UVRAG: variants seen among roughly 807,000 people sequenced by gnomAD.
UVRAG encodes UV radiation resistance-associated gene protein.
A neutral mutation model predicts 78.0 loss-of-function variants in UVRAG; 19 were observed. The observed-to-expected ratio is 0.24, with a 90% CI of 0.17 to 0.36. UVRAG has a LOEUF of 0.36. Among genes scored for constraint, UVRAG ranks in the 10% least tolerant of loss-of-function variants. The probability of loss-of-function intolerance (pLI) is 1.00; values close to 1 mark genes in which losing one functional copy is unlikely to be tolerated. For synonymous variants in UVRAG, 323 were observed against 324.6 expected, an observed-to-expected ratio of 1.00 and a Z score of 0.05; for missense variants, 740 against 853.8, an observed-to-expected ratio of 0.87 and a Z score of 1.66.
intron 13 of UVRAG, among the ~76,000 whole-genome samples, chr11:76,073,865 T>C (rs780912748): frequency 6.6e-6 from 1 of 152,170 alleles, no homozygotes; most frequent in Non-Finnish European, 1.5e-5. Flanking sequence ...CTTTTTCAGC[T>C]GCGTATCTGT....
At chr11:76,052,859 A>G (rs1950895658) in intron 12 of UVRAG, among the ~76,000 whole-genome samples, 1 of 151,980 alleles carries the variant, frequency 6.6e-6, no homozygotes, top group Non-Finnish European at 1.5e-5. Flanking sequence ...TAAAATGTTT[A>G]TAATTCCCTA....
intron 7 of UVRAG, chr11:75,979,728 G>A (rs1341420806): frequency 1.3e-5 from 2 of 152,416 alleles, no homozygotes; most frequent in Non-Finnish European, 2.9e-5. Context: ...CTTTGGAAAA[G>A]CACAGTATTA....
intron 12 of UVRAG, 140 bp from the exon 13 acceptor site, chr11:76,065,570 A>T: frequency 1.6e-6 from 1 of 633,062 alleles, no homozygotes. Context: ...ATGTCAGTAG[A>T]TTGCAATGAC....
At chr11:75,866,384 A>AAAATAAAT (rs1347092237) in intron 3 of UVRAG, among the ~76,000 whole-genome samples, 3 of 151,150 alleles carry the variant, frequency 2.0e-5, no homozygotes. Flanking sequence ...AATAAATAAA[A>AAAATAAAT]TAAAATAAAA....
At chr11:76,003,973 A>C (rs1186610185) in intron 8 of UVRAG, 32 bp from the exon 9 acceptor site, 1 of 1,583,852 alleles carries the variant, frequency 6.3e-7, no homozygotes, top group Non-Finnish European at 8.7e-7. Flanking sequence ...CCTATGTTAC[A>C]TATGGAATTA....
intron 3 of UVRAG, among the ~76,000 whole-genome samples, chr11:75,868,959 A>G (rs1946590430): frequency 6.6e-6 from 1 of 152,208 alleles, no homozygotes; most frequent in Admixed American, 6.5e-5. Flanking sequence ...AAGAAGAGGT[A>G]TCAATTATAA....
chr11:76,056,580 A>G (rs1435662414), intron 12 of UVRAG, among the ~76,000 whole-genome samples: 1 of 152,016 alleles, frequency 6.6e-6, no homozygotes, highest in Non-Finnish European at 1.5e-5. Context: ...AGTTAAACTT[A>G]CTCTGCAGAT....
intron 1 of UVRAG, among the ~76,000 whole-genome samples, chr11:75,823,123 G>A (rs771010668): frequency 6.6e-6 from 1 of 152,142 alleles, no homozygotes. Context: ...TACCCCTATG[G>A]CACCCAGGGA....
At chr11:75,831,316 G>A (rs1464106594) in intron 1 of UVRAG, among the ~76,000 whole-genome samples, 2 of 151,976 alleles carry the variant, frequency 1.3e-5, no homozygotes, top group Non-Finnish European at 2.9e-5. Context: ...GTGAAACCCA[G>A]TCTCTACTAA....
intron 4 of UVRAG, among the ~76,000 whole-genome samples, chr11:75,880,529 A>G (rs1946915465): frequency 6.6e-6 from 1 of 152,134 alleles, no homozygotes; most frequent in Non-Finnish European, 1.5e-5. Flanking sequence ...TGCTGTACCC[A>G]TGACTGATGT....
chr11:75,959,113 C>T (rs1416791902), intron 6 of UVRAG, among the ~76,000 whole-genome samples: 1 of 152,120 alleles, frequency 6.6e-6, no homozygotes, highest in Non-Finnish European at 1.5e-5. Flanking sequence ...TTCTTAAGGG[C>T]CCCAGGGTCT....
intron 13 of UVRAG, among the ~76,000 whole-genome samples, chr11:76,072,303 C>T (rs1951326946): frequency 6.6e-6 from 1 of 152,068 alleles, no homozygotes; most frequent in South Asian, 2.1e-4. Flanking sequence ...TCAGTATGTC[C>T]AGTTATGGGT....
At chr11:76,113,916 A>C (rs2134464080) in intron 13 of UVRAG, among the ~76,000 whole-genome samples, 1 of 152,162 alleles carries the variant, frequency 6.6e-6, no homozygotes, top group East Asian at 1.9e-4. Flanking sequence ...TGAAATTCCC[A>C]CATTTTTCTT....
At chr11:76,039,535 A>G (rs1222031891) in intron 12 of UVRAG, among the ~76,000 whole-genome samples, 1 of 152,252 alleles carries the variant, frequency 6.6e-6, no homozygotes, top group Non-Finnish European at 1.5e-5. Flanking sequence ...AAAAAAGCTT[A>G]CAAACTGAAA....
intron 3 of UVRAG, among the ~76,000 whole-genome samples, chr11:75,877,520 C>G (rs899624930): frequency 6.9e-6 from 1 of 144,446 alleles, no homozygotes; most frequent in Non-Finnish European, 1.5e-5. Flanking sequence ...TGACCCCCCC[C>G]ACCTCCCTCC....
chr11:76,024,006 G>A (rs1183166588), intron 12 of UVRAG, among the ~76,000 whole-genome samples: 1 of 152,158 alleles, frequency 6.6e-6, no homozygotes, highest in Admixed American at 6.6e-5. Flanking sequence ...ACCATGACCA[G>A]ATATATACTT....
intron 12 of UVRAG, among the ~76,000 whole-genome samples, chr11:76,060,529 G>A (rs887702359): frequency 2.6e-5 from 4 of 152,264 alleles, no homozygotes; most frequent in Non-Finnish European, 5.9e-5. Context: ...GCCAAGGCCG[G>A]AGCCGGCTCC....
intron 14 of UVRAG, among the ~76,000 whole-genome samples, chr11:76,124,952 T>C (rs1952358026): frequency 6.6e-6 from 1 of 152,210 alleles, no homozygotes; most frequent in Non-Finnish European, 1.5e-5. Flanking sequence ...TAGTTCTGCT[T>C]TTACACCAAA....
chr11:76,000,192 G>C (rs1054213895), intron 8 of UVRAG, among the ~76,000 whole-genome samples: 5 of 152,166 alleles, frequency 3.3e-5, no homozygotes, highest in Admixed American at 6.5e-5. Context: ...GTTTATATTA[G>C]GTGTAAGTAG....
Sources: gnomAD v4.1 joint callset for allele counts (sites outside exome capture counted in the v4.1 genomes callset) on GRCh38, gnomAD v4.1.1 for gene constraint, MANE v1.5 for transcripts, NCBI Gene and HGNC (gene_info 2026-07-23, HGNC 2026-07-21) for gene names.